Variants in TG observed in about 807,000 individuals in gnomAD.
TG encodes the protein thyroglobulin, also known as thyroid hormones.
In TG, 270 loss-of-function variants were observed where a neutral mutation model predicts 324.7. The ratio of observed to expected loss-of-function variants is 0.83; its 90% CI spans 0.75 to 0.92. The LOEUF (loss-of-function observed/expected upper bound fraction) is 0.92, where lower values mean the gene tolerates loss of function less well. Ranked by LOEUF, TG falls within the 40% of genes least tolerant of loss-of-function variation. The pLI is 0.00. For synonymous variants in TG, 1,401 were observed against 1,327.0 expected (o/e 1.06, Z -1.21); for missense variants, 3,591 against 3,456.4 (o/e 1.04, Z -0.98).
chr8:132,971,993 A>G (rs1419130629), intron 33 of TG, 120 bp downstream of exon 33: 12 of 794,004 alleles, frequency 1.5e-5, no homozygotes, highest in Non-Finnish European at 2.6e-5. Context: ...AGATAAGGAA[A>G]TGGGGGCTTG....
Position 133,133,783 on chromosome 8 carries a change from A to G in TG, c.8188+123A>G, listed in dbSNP as rs576797026. Reference sequence around the variant, plus strand: ...AAGGGGTCACCAGTGCCAATGGCACAGCCCCTTCCTGTGAGTTGTTCATGG... The same window carrying G: ...AAGGGGTCACCAGTGCCAATGGCACGGCCCCTTCCTGTGAGTTGTTCATGG... On this transcript the variant is annotated intron_variant, in intron 47 of 47. Coordinates refer to ENST00000220616, the MANE Select transcript of TG (RefSeq NM_003235.5). 6 of 1,102,100 alleles carry G rather than the reference A, an allele frequency of 5.4e-6. No homozygotes were observed. The East Asian group carries it at 1.3e-4, about 24-fold the overall frequency. 68.3% of individuals were successfully genotyped at this position (1,102,100 alleles called of 1,614,324 possible). A position where few individuals can be genotyped will look rare whatever the true frequency, so the allele number is the denominator to read the frequency against.
rs759815380 is a variant in TG, at chr8:133,029,948, G to C, written c.7164G>C (p.Gly2388=). 1 of 1,614,226 alleles carries C rather than the reference G, an allele frequency of 6.2e-7. No homozygotes were observed. Among genetic ancestry groups the C allele is most frequent in the Non-Finnish European group, 8.5e-7 (1 of 1,180,048 alleles). Residue 2388 remains glycine, a synonymous_variant, in exon 41 of 48, where the codon GGG becomes GGC. Coordinates refer to ENST00000220616, the MANE Select transcript of TG (RefSeq NM_003235.5). ...TGTCCCTGGCAGCAGACCGTGGCGG[G>C]GCTGATGTGGCCAGCATCCACCTTC... ...RRVSLAADRG[G]ADVASIHLLT...
At chr8:133,068,599 A>C (rs1378622361) in intron 41 of TG, among the ~76,000 whole-genome samples, 2 of 152,188 alleles carry the variant, frequency 1.3e-5, no homozygotes, top group African/African-American at 2.4e-5. Context: ...GATTGGCAAG[A>C]GGAGGTGTTG....
At position 133,016,728 on chromosome 8, in the gene TG, G is replaced by A. The variant is rs959216689; in HGVS notation, c.6563-1050G>A. On this transcript the variant is annotated intron_variant, in intron 37 of 47. Transcript: ENST00000220616. ...GAGTGTTTACCGCTTCCTTTGTGCA[G>A]GGCTTTGAGTCCTGTGTGGCATCAG... is the stretch of plus-strand genomic sequence containing the variant. Among the ~76,000 whole-genome samples, 10 of 152,178 alleles carry A rather than the reference G, an allele frequency of 6.6e-5. 1 individual carries two copies. The highest frequency in any genetic ancestry group is 3.3e-4 in the Admixed American group (5 of 15,278).
chr8:133,114,390 C>T (rs1850523687), intron 44 of TG, among the ~76,000 whole-genome samples: 1 of 152,232 alleles, frequency 6.6e-6, no homozygotes, highest in South Asian at 2.1e-4. Flanking sequence ...GCAGCACGCC[C>T]CCGGCCCCAG....
chr8:133,062,033 G>A (rs1349117499), intron 41 of TG, among the ~76,000 whole-genome samples: 1 of 152,208 alleles, frequency 6.6e-6, no homozygotes, highest in Non-Finnish European at 1.5e-5. Flanking sequence ...ACAATGACCA[G>A]GCTCGCAAAA....
At position 132,888,105 on chromosome 8, in the gene TG, T is replaced by A. The variant is rs1367388159; in HGVS notation, c.2298T>A (p.Asp766Glu). Residue 766 changes from aspartate to glutamate, a missense_variant, in exon 10 of 48, where the codon GAT becomes GAA. Coordinates refer to ENST00000220616, the MANE Select transcript of TG (RefSeq NM_003235.5). ...SDTYIPQCST[D>E]GQWRQVQCNG... is the part of the protein sequence containing the mutation. Reference sequence around the variant, plus strand: ...CCTACATCCCACAGTGCAGCACCGATGGGCAGTGGAGACAAGTGCAATGCA... The same window carrying A: ...CCTACATCCCACAGTGCAGCACCGAAGGGCAGTGGAGACAAGTGCAATGCA... 6.2e-7 allele frequency: 1 copy of A among 1,613,958 alleles called. No individual in the cohort carries two copies. The highest frequency in any genetic ancestry group is 1.3e-5 in the African/African-American group (1 of 74,902).
chr8:132,938,818 C>T (rs942601447), intron 25 of TG, among the ~76,000 whole-genome samples: 8 of 152,082 alleles, frequency 5.3e-5, no homozygotes, highest in Admixed American at 2.6e-4. Flanking sequence ...TTTGGGAGGC[C>T]GAGGCAGGCA....
At chr8:133,013,848 G>T in intron 37 of TG, 84 bp downstream of exon 37, 8 of 1,529,562 alleles carry the variant, frequency 5.2e-6, no homozygotes, top group Non-Finnish European at 7.0e-6. Context: ...TGAGTTGGAG[G>T]ACAGTGGCTT....
At chr8:132,996,122 C>T (rs1832857493) in intron 35 of TG, among the ~76,000 whole-genome samples, 1 of 152,158 alleles carries the variant, frequency 6.6e-6, no homozygotes, top group Non-Finnish European at 1.5e-5. Context: ...TGATCTTGGC[C>T]ATATTATGTA....
intron 41 of TG, among the ~76,000 whole-genome samples, chr8:133,067,941 AAG>A (rs1408170903): frequency 5.9e-5 from 9 of 151,428 alleles, no homozygotes; most frequent in East Asian, 1.9e-4. Context: ...GAAAGAAAGA[AAG>A]AGAGAAAGAA....
rs1033746576 is a variant in TG at position 133,123,723 on chromosome 8, C to A, written c.7862+7007C>A. Among the ~76,000 whole-genome samples the A allele has an allele frequency of 5.8e-5, 5 of 86,054 alleles. No homozygotes were observed. In the East Asian group the frequency reaches 1.1e-3, roughly 19 times the overall value. The allele number at this position is 86,054 out of a possible 152,430, so 56.5% of individuals were successfully genotyped here. ...CCTGTGGCCAGGTTTGGGGACCGCA[C>A]CCCCAGCCCTGGTCTGTGCTCTGGG... On this transcript the variant is annotated intron_variant, in intron 45 of 47. Transcript: ENST00000220616.
At position 133,017,894 on chromosome 8, in the gene TG, C is replaced by A. The variant is rs1243171950; in HGVS notation, c.6679C>A (p.Gln2227Lys). The A allele has an allele frequency of 2.5e-6, 4 of 1,614,092 alleles. No homozygotes were observed. The highest frequency in any genetic ancestry group is 3.4e-6 in the Non-Finnish European group (4 of 1,180,056). ...GGGTACCTCATGGAAGCAAGTGGAC[C>A]AGTTCCTTGGAGTTCCATATGCTGC... is the stretch of plus-strand genomic sequence containing the variant. ...QVGTSWKQVDQFLGVPYAAPP... is the reference protein window; with the variant it reads ...QVGTSWKQVDKFLGVPYAAPP... The change falls in exon 38 of 48, where the codon CAG becomes AAG. Residue 2227 changes from glutamine (Q) to lysine (K), a missense_variant. Transcript: ENST00000220616.
At chr8:133,069,818 T>C (rs1843682651) in intron 41 of TG, among the ~76,000 whole-genome samples, 1 of 151,494 alleles carries the variant, frequency 6.6e-6, no homozygotes, top group East Asian at 1.9e-4. Context: ...CCGGCCAACA[T>C]GGCAAAAATC....
Position 132,913,155 on chromosome 8 carries a change from G to T in TG, c.4268G>T (p.Arg1423Leu). The T allele has an allele frequency of 6.2e-7, 1 of 1,614,122 alleles. No individual in the cohort carries two copies. The highest frequency in any genetic ancestry group is 8.5e-7 in the Non-Finnish European group (1 of 1,180,032). The change falls in exon 20 of 48, where the codon CGC becomes CTC. Residue 1423 changes from arginine (R) to leucine (L), a missense_variant. Arg to Leu is a moderately radical substitution (Grantham distance 102). Coordinates refer to ENST00000220616, the MANE Select transcript of TG (RefSeq NM_003235.5). The stretch of plus-strand genomic sequence containing the variant: ...AAGACGTTCCCAGCGGAAACCATCC[G>T]CTTCCTCCAAGGGGACCACTTTGGC... The part of the protein sequence containing the change: ...DSKTFPAETI[R>L]FLQGDHFGTS...
At position 132,999,486 on chromosome 8, in the gene TG, C is replaced by G. The variant is rs564925580; in HGVS notation, c.6263-12415C>G. 4.6e-5 allele frequency among the ~76,000 whole-genome samples: 7 copies of G among 152,292 alleles called. No homozygotes were observed. The East Asian group carries it at 1.4e-3, about 29-fold the overall frequency. ...TGGAAAAAGCATACAAACTCCCTGT[C>G]AAGCTGCCTGTAGGATTTTTGGTTC... On this transcript the variant is annotated intron_variant, in intron 35 of 47. Transcript: ENST00000220616.
In TG at chr8:132,919,434, A is replaced by G. The variant is rs1252473466; in HGVS notation, c.4437A>G (p.Gly1479=). The G allele has an allele frequency of 6.2e-7, 1 of 1,614,142 alleles. No individual in the cohort carries two copies. The highest frequency in any genetic ancestry group is 8.5e-7 in the Non-Finnish European group (1 of 1,180,022). ...AGGAATGCATTCCTTGTCCTGTTGG[A>G]TTCTACCAAGAACAGGCAGGGAGCT... ...QDEECIPCPV[G]FYQEQAGSLA... is the part of the protein sequence containing the mutation. The change falls in exon 21 of 48, where the codon GGA becomes GGG. Residue 1479 remains glycine (G), a synonymous_variant. Coordinates refer to ENST00000220616, the MANE Select transcript of TG (RefSeq NM_003235.5).
At chr8:133,117,356 GA>G (rs1473253006) in intron 45 of TG, among the ~76,000 whole-genome samples, 2 of 152,220 alleles carry the variant, frequency 1.3e-5, no homozygotes, top group African/African-American at 2.4e-5. Flanking sequence ...AAAGGAAGCA[GA>G]GAGACTGAGT....
chr8:132,921,933 C>T (rs1486500281), intron 21 of TG, among the ~76,000 whole-genome samples: 2 of 152,192 alleles, frequency 1.3e-5, no homozygotes, highest in Admixed American at 6.5e-5. Flanking sequence ...GTTATGAAAT[C>T]TCTGGGCTGC....
Sources: gnomAD v4.1 joint callset for allele counts (sites outside exome capture counted in the v4.1 genomes callset) on GRCh38, gnomAD v4.1.1 for gene constraint, MANE v1.5 for transcripts, NCBI Gene and HGNC (gene_info 2026-07-23, HGNC 2026-07-21) for gene names.